Variants in KIF26B observed in about 807,000 individuals in gnomAD.
KIF26B encodes the protein kinesin-like protein KIF26B.
Under a neutral mutation model 151.2 loss-of-function variants are expected in KIF26B, and 63 were observed. That is an observed-to-expected ratio of 0.42 (90% confidence interval 0.34 to 0.51). The LOEUF is 0.51. Among genes scored for constraint, KIF26B ranks in the 20% least tolerant of loss-of-function variants. The pLI, the probability that KIF26B is intolerant of heterozygous loss-of-function variation, is 0.07. For missense variants in KIF26B, 2,813 were observed against 2,913.6 expected, an observed-to-expected ratio of 0.97 and a Z score of 0.79; for synonymous variants, 1,357 against 1,262.1, an observed-to-expected ratio of 1.08 and a Z score of -1.59.
At chr1:245,377,774 C>T (rs1020100257) in intron 3 of KIF26B, among the ~76,000 whole-genome samples, 3 of 151,884 alleles carry the variant, frequency 2.0e-5, no homozygotes, top group Middle Eastern at 3.2e-3. Context: ...GGCTGGTCAG[C>T]AGTGGAGGAT....
intron 2 of KIF26B, among the ~76,000 whole-genome samples, chr1:245,354,096 C>T (rs933975694): frequency 1.3e-5 from 2 of 152,130 alleles, no homozygotes; most frequent in South Asian, 2.1e-4. Context: ...TCCCGCCAAA[C>T]GCTTCATGAC....
At chr1:245,539,090 A>G (rs1338547744) in intron 4 of KIF26B, among the ~76,000 whole-genome samples, 4 of 152,302 alleles carry the variant, frequency 2.6e-5, no homozygotes, top group African/African-American at 9.6e-5. Context: ...ATCCTACAAT[A>G]GGGTGACTTA....
rs1238033864 is a variant in KIF26B, at chr1:245,611,798, G to A, written c.1920G>A (p.Gln640=). 3 of 1,613,528 alleles carry A rather than the reference G, an allele frequency of 1.9e-6. No individual in the cohort carries two copies. Among genetic ancestry groups the A allele is most frequent in the Non-Finnish European group, 2.5e-6 (3 of 1,179,826 alleles). The change falls in exon 9 of 15, where the codon CAG becomes CAA. Residue 640 remains glutamine, a synonymous_variant. Transcript: ENST00000407071. ...TCTTGGCTTCTGTCTTCCAGCTGCA[G>A]AACCAGAGCGAGCTGCGGGCCCCCA... is the stretch of plus-strand genomic sequence containing the variant. The part of the protein sequence containing the change: ...CEDPICGTQL[Q]NQSELRAPTA...
intron 5 of KIF26B, among the ~76,000 whole-genome samples, chr1:245,557,379 C>T (rs1027487969): frequency 8.5e-5 from 13 of 152,174 alleles, no homozygotes; most frequent in South Asian, 2.1e-4. Context: ...TCGTCGCAGC[C>T]GGCAGGTCCC....
intron 2 of KIF26B, among the ~76,000 whole-genome samples, chr1:245,236,942 C>A (rs1001531914): frequency 6.6e-6 from 1 of 152,180 alleles, no homozygotes; most frequent in Non-Finnish European, 1.5e-5. Flanking sequence ...AAACATAAGG[C>A]ACAGAGAAGT....
intron 2 of KIF26B, among the ~76,000 whole-genome samples, chr1:245,159,645 T>C (rs1668502280): frequency 6.6e-6 from 1 of 152,256 alleles, no homozygotes; most frequent in South Asian, 2.1e-4. Flanking sequence ...ATTTCATCTG[T>C]ATATTTTCTA....
intron 2 of KIF26B, among the ~76,000 whole-genome samples, chr1:245,219,705 G>A (rs115108143): frequency 0.015 from 2,227 of 152,206 alleles, 57 homozygotes; most frequent in African/African-American, 0.051. Flanking sequence ...CTGCACTCTA[G>A]CCTGCGCAAC....
chr1:245,319,270 C>G (rs1405440779), intron 2 of KIF26B, among the ~76,000 whole-genome samples: 1 of 152,232 alleles, frequency 6.6e-6, no homozygotes, highest in Non-Finnish European at 1.5e-5. Context: ...GACTTTGAGA[C>G]TTTTCACAGC....
intron 4 of KIF26B, among the ~76,000 whole-genome samples, chr1:245,523,873 A>G (rs780626850): frequency 1.3e-5 from 2 of 152,220 alleles, no homozygotes; most frequent in Non-Finnish European, 2.9e-5. Context: ...CATACAGTAT[A>G]CCATTAGATG....
rs1394722280 is a variant in KIF26B at position 245,564,975 on chromosome 1, G to A, written c.1350+24025G>A. ...GTGGCCTGCTTCTTAACAGGACACC[G>A]ACTAGCACTGGTCCGTGGCCTGGGG... On this transcript the variant is annotated intron_variant, in intron 5 of 14. Transcript: ENST00000407071. The surrounding 1 kb of genome is among the most constrained non-coding windows in gnomAD (Gnocchi z 4.6). Among the ~76,000 whole-genome samples, 2 of 152,154 alleles carry A rather than the reference G, an allele frequency of 1.3e-5. No individual in the cohort carries two copies. The highest frequency in any genetic ancestry group is 2.9e-5 in the Non-Finnish European group (2 of 68,036).
rs553191876 is a variant in KIF26B, at chr1:245,573,416, A to G, written c.1351-29161A>G. On this transcript the variant is annotated intron_variant, in intron 5 of 14. Transcript: ENST00000407071. ...TGGGTGCCTATAGTCCCAGCTACTC[A>G]GGAGGCTGAGGCAGAAGAATCGCTT... 6.6e-5 allele frequency among the ~76,000 whole-genome samples: 10 copies of G among 152,230 alleles called. No homozygotes were observed. The East Asian group carries it at 1.9e-3, about 29-fold the overall frequency.
Position 245,640,122 on chromosome 1 carries a change from G to GCTCTCTCT in KIF26B, c.2099-5984_2099-5977dup, listed in dbSNP as rs376565844. 1.2e-3 allele frequency among the ~76,000 whole-genome samples: 63 copies of GCTCTCTCT among 53,966 alleles called. 8 individuals carry two copies. The highest frequency in any genetic ancestry group is 2.6e-3 in the African/African-American group (34 of 13,306). 35.4% of individuals were successfully genotyped at this position (53,966 alleles called of 152,430 possible). ...CTCCTGTTTAGATCTACTAATATTT[G>GCTCTCTCT]CTCTCTCTCTCTCTCTCTCTCTATA... On this transcript the variant is annotated intron_variant, in intron 9 of 14. Transcript: ENST00000407071.
At chr1:245,260,444 C>T (rs1446583206) in intron 2 of KIF26B, among the ~76,000 whole-genome samples, 2 of 152,186 alleles carry the variant, frequency 1.3e-5, no homozygotes, top group African/African-American at 4.8e-5. Context: ...ATTCAGGTAC[C>T]TGTAAGAAGA....
chr1:245,330,860 A>G (rs1360703284), intron 2 of KIF26B, among the ~76,000 whole-genome samples: 2 of 149,470 alleles, frequency 1.3e-5, no homozygotes, highest in Admixed American at 1.3e-4. Flanking sequence ...TGTCTGATAT[A>G]TTCACTCCTT....
chr1:245,513,263 C>T (rs186264473), intron 4 of KIF26B, among the ~76,000 whole-genome samples: 3 of 150,608 alleles, frequency 2.0e-5, no homozygotes, highest in African/African-American at 2.4e-5. Flanking sequence ...CGTGGAGGAC[C>T]GAGAGTGCTT....
At chr1:245,382,375 C>T (rs1253983898) in intron 3 of KIF26B, among the ~76,000 whole-genome samples, 2 of 152,110 alleles carry the variant, frequency 1.3e-5, no homozygotes, top group East Asian at 3.9e-4. Context: ...TGGTAAATTA[C>T]TTGACCACTC....
intron 2 of KIF26B, among the ~76,000 whole-genome samples, chr1:245,184,050 G>GTTTTGTTTTTTTTTTTTT (rs1553332273): frequency 5.0e-5 from 1 of 19,804 alleles, no homozygotes; most frequent in Non-Finnish European, 9.9e-5. Flanking sequence ...GGGAGTTGTT[G>GTTTTGTTTTTTTTTTTTT]TTTTTTTTTT....
intron 4 of KIF26B, among the ~76,000 whole-genome samples, chr1:245,450,341 A>C: frequency 6.6e-6 from 1 of 152,224 alleles, no homozygotes; most frequent in East Asian, 1.9e-4. Flanking sequence ...GACTGGGATT[A>C]GAATTTGAAA....
intron 2 of KIF26B, among the ~76,000 whole-genome samples, chr1:245,326,286 G>A (rs1294964822): frequency 6.6e-6 from 1 of 152,160 alleles, no homozygotes; most frequent in Non-Finnish European, 1.5e-5. Flanking sequence ...AAGAAAACAA[G>A]CCGTTAGAAT....
Sources: gnomAD v4.1 joint callset for allele counts (sites outside exome capture counted in the v4.1 genomes callset) on GRCh38, gnomAD v4.1.1 for gene constraint, Gnocchi (gnomAD v3.1) non-coding constraint, MANE v1.5 for transcripts, NCBI Gene and HGNC (gene_info 2026-07-23, HGNC 2026-07-21) for gene names.